Variants in SORCS2 observed in about 807,000 individuals in gnomAD.
SORCS2 encodes the protein sortilin related VPS10 domain containing receptor 2, also known as VPS10 domain-containing receptor SorCS2.
SORCS2 carries 100 observed loss-of-function variants against 141.6 expected under a neutral mutation model. The observed-to-expected ratio is 0.71, with a 90% CI of 0.60 to 0.83. The LOEUF (loss-of-function observed/expected upper bound fraction) is 0.83. Among genes scored for constraint, SORCS2 ranks in the 40% least tolerant of loss-of-function variants. The pLI is 0.00. For missense variants in SORCS2, 1,646 were observed against 1,560.2 expected (o/e 1.05, Z -0.93); for synonymous variants, 789 against 676.9 (o/e 1.17, Z -2.57).
chr4:7,342,293 G>A (rs929223102), intron 1 of SORCS2, among the ~76,000 whole-genome samples: 5 of 152,220 alleles, frequency 3.3e-5, no homozygotes. Flanking sequence ...TGACACTGTC[G>A]GCGGAGGGCT....
chr4:7,421,919 G>GCTTGCAGGAGA (rs1726096501), intron 2 of SORCS2, among the ~76,000 whole-genome samples: 2 of 151,878 alleles, frequency 1.3e-5, no homozygotes, highest in Admixed American at 6.6e-5. Context: ...GCTGGGGCGG[G>GCTTGCAGGAGA]GCTGGGCATC....
intron 2 of SORCS2, chr4:7,434,687 C>A (rs532158417): frequency 9.3e-6 from 15 of 1,612,844 alleles, no homozygotes; most frequent in Non-Finnish European, 1.2e-5. Context: ...TGGCATACGT[C>A]GCAGGGCAGA....
rs191924358 is a variant in SORCS2, at chr4:7,481,275, G to A, written c.549-50255G>A. On this transcript the variant is annotated intron_variant, in intron 2 of 26. Coordinates refer to ENST00000507866, the MANE Select transcript of SORCS2 (RefSeq NM_020777.3). The stretch of plus-strand genomic sequence containing the variant: ...TTACAGAATGAATAGTCCACTCATT[G>A]TGCTCACCACACAGGGGTCTTCGCT... Among the ~76,000 whole-genome samples, 22 of 152,382 alleles carry A rather than the reference G, an allele frequency of 1.4e-4. No homozygotes were observed. The East Asian group carries it at 4.1e-3, about 28-fold the overall frequency.
intron 10 of SORCS2, among the ~76,000 whole-genome samples, chr4:7,687,061 T>C (rs560515937): frequency 6.6e-6 from 1 of 152,286 alleles, no homozygotes; most frequent in East Asian, 1.9e-4. Context: ...CTCTAACCAC[T>C]GTGCACGCAG....
intron 1 of SORCS2, among the ~76,000 whole-genome samples, chr4:7,330,596 A>G (rs1242232518): frequency 6.6e-6 from 1 of 151,818 alleles, no homozygotes; most frequent in Non-Finnish European, 1.5e-5. Flanking sequence ...CACCTCTGGA[A>G]TTTAGAAATG....
chr4:7,428,612 C>T (rs568431548), intron 2 of SORCS2, among the ~76,000 whole-genome samples: 3 of 152,272 alleles, frequency 2.0e-5, no homozygotes, highest in Non-Finnish European at 2.9e-5. Context: ...AGGCCTGAAC[C>T]GCAGGAGGGA....
At chr4:7,572,848 A>T (rs1009664073) in intron 3 of SORCS2, among the ~76,000 whole-genome samples, 3 of 152,230 alleles carry the variant, frequency 2.0e-5, no homozygotes, top group Non-Finnish European at 4.4e-5. Context: ...AAGACTTTTA[A>T]AGAGGTTAAG....
rs116763138 is a variant in SORCS2 at position 7,575,079 on chromosome 4, G to A, written c.648+43450G>A. On this transcript the variant is annotated intron_variant, in intron 3 of 26. Coordinates refer to ENST00000507866, the MANE Select transcript of SORCS2 (RefSeq NM_020777.3). ...GAAGATCGGGGGACTGGCGGTGGGA[G>A]GACTGGGGCTCCACGTGGCCCTCTG... is the stretch of plus-strand genomic sequence containing the variant. Among the ~76,000 whole-genome samples the A allele has an allele frequency of 6.4e-3, 972 of 152,268 alleles. 12 individuals carry two copies. Among genetic ancestry groups the A allele is most frequent in the African/African-American group, 0.022 (933 of 41,544 alleles).
Position 7,664,281 on chromosome 4 carries a change from C to T in SORCS2, c.953-72C>T, listed in dbSNP as rs1182792488. The stretch of plus-strand genomic sequence containing the variant: ...AGCGGTATTGGAGGAAGATGGAGTC[C>T]AGCACATGTCTCGGGCCGTCTCTGG... On this transcript the variant is annotated intron_variant, in intron 6 of 26. Transcript: ENST00000507866. This position sits in a 1 kb window ranked among gnomAD's most constrained non-coding sequence, Gnocchi z 4.7. 9 of 1,242,830 alleles carry T rather than the reference C, an allele frequency of 7.2e-6. No individual in the cohort carries two copies. In the African/African-American group the frequency reaches 1.0e-4, roughly 14 times the overall value. 77.0% of individuals were successfully genotyped at this position (1,242,830 alleles called of 1,614,324 possible). A position where few individuals can be genotyped will look rare whatever the true frequency, so the allele number is the denominator to read the frequency against.
intron 3 of SORCS2, among the ~76,000 whole-genome samples, chr4:7,561,468 TCATC>T (rs1714550179): frequency 7.1e-6 from 1 of 140,924 alleles, no homozygotes; most frequent in African/African-American, 2.8e-5. Context: ...ATCTATCCAT[TCATC>T]CATCTACCTG....
intron 1 of SORCS2, among the ~76,000 whole-genome samples, chr4:7,224,989 T>C (rs1728915588): frequency 6.6e-6 from 1 of 152,252 alleles, no homozygotes; most frequent in South Asian, 2.1e-4. Context: ...ATGCAATGTA[T>C]GTTCCATAAA....
chr4:7,538,405 C>G (rs546531559), intron 3 of SORCS2, among the ~76,000 whole-genome samples: 17 of 152,298 alleles, frequency 1.1e-4, no homozygotes, highest in Middle Eastern at 3.4e-3. Flanking sequence ...AGCTTCGGGC[C>G]GACAGCAGGT....
At chr4:7,466,236 C>A (rs918012799) in intron 2 of SORCS2, among the ~76,000 whole-genome samples, 2 of 152,150 alleles carry the variant, frequency 1.3e-5, no homozygotes, top group Admixed American at 6.5e-5. Flanking sequence ...CTGGTTCACG[C>A]CCCTGCAGTC....
At chr4:7,452,795 T>C (rs1728550077) in intron 2 of SORCS2, among the ~76,000 whole-genome samples, 1 of 152,052 alleles carries the variant, frequency 6.6e-6, no homozygotes, top group Admixed American at 6.5e-5. Flanking sequence ...GACGTGTTAG[T>C]GTCAGGCGCC....
chr4:7,638,445 C>T lies in SORCS2; in HGVS notation c.766C>T (p.His256Tyr), dbSNP rs944744646. 6.2e-7 allele frequency: 1 copy of T among 1,608,116 alleles called. No homozygotes were observed. The highest frequency in any genetic ancestry group is 8.5e-7 in the Non-Finnish European group (1 of 1,177,898). Residue 256 changes from histidine (H) to tyrosine (Y), a missense_variant, in exon 4 of 27, where the codon CAC (histidine) becomes TAC (tyrosine). By Grantham distance (83) the His-to-Tyr change is moderately conservative. Transcript: ENST00000507866. Reference sequence around the variant, plus strand: ...CTTCTTCGTGGAAACTCTGATTTTCCACCCTAAGGAGGAGGACAAGGTCCT... The same window carrying T: ...CTTCTTCGTGGAAACTCTGATTTTCTACCCTAAGGAGGAGGACAAGGTCCT... ...IPFFVETLIF[H>Y]PKEEDKVLAY... is the part of the protein sequence containing the mutation.
In SORCS2 at chr4:7,234,970, G is replaced by A. The variant is rs144389388; in HGVS notation, c.480+41844G>A. 7.9e-5 allele frequency among the ~76,000 whole-genome samples: 12 copies of A among 152,376 alleles called. No individual in the cohort carries two copies. The East Asian group carries it at 2.1e-3, about 27-fold the overall frequency. Reference sequence around the variant, plus strand: ...CTGGGCCTGAAGTCTTGTGGAGTGCGTGGCAGGGGAACTTAGGCCTGGGGA... The same window carrying A: ...CTGGGCCTGAAGTCTTGTGGAGTGCATGGCAGGGGAACTTAGGCCTGGGGA... On this transcript the variant is annotated intron_variant, in intron 1 of 26. Coordinates refer to ENST00000507866, the MANE Select transcript of SORCS2 (RefSeq NM_020777.3).
chr4:7,314,371 G>A (rs1360951184), intron 1 of SORCS2, among the ~76,000 whole-genome samples: 1 of 144,526 alleles, frequency 6.9e-6, no homozygotes, highest in Non-Finnish European at 1.5e-5. Context: ...ACGGAGTCTT[G>A]CTCAGTTGCC....
intron 5 of SORCS2, among the ~76,000 whole-genome samples, chr4:7,655,066 G>A (rs1408594639): frequency 2.6e-5 from 4 of 152,212 alleles, no homozygotes; most frequent in Admixed American, 6.5e-5. Flanking sequence ...GGGGCCAGGA[G>A]CCAGTGCAGC....
chr4:7,486,125 C>T (rs1280152950), intron 2 of SORCS2, among the ~76,000 whole-genome samples: 2 of 152,116 alleles, frequency 1.3e-5, no homozygotes, highest in African/African-American at 4.8e-5. Context: ...TTGCTGGAGC[C>T]CCTCGTGCGC....
Sources: allele counts gnomAD v4.1 joint callset (sites outside exome capture counted in the v4.1 genomes callset), GRCh38; gene constraint gnomAD v4.1.1; non-coding constraint Gnocchi (gnomAD v3.1); transcripts MANE v1.5; gene names NCBI Gene and HGNC (gene_info 2026-07-23, HGNC 2026-07-21).